The following SHISA9 variants were observed in gnomAD, a reference collection of about 807,000 sequenced individuals.
SHISA9 encodes the protein protein shisa-9.
SHISA9 carries 13 observed loss-of-function variants against 38.0 expected under a neutral mutation model. The observed-to-expected ratio is 0.34, with a 90% CI of 0.22 to 0.54. The LOEUF (loss-of-function observed/expected upper bound fraction) is 0.54, where lower values mean the gene tolerates loss of function less well. Among genes scored for constraint, SHISA9 ranks in the 20% least tolerant of loss-of-function variants. The pLI is 0.91. For synonymous variants in SHISA9, 275 were observed against 242.0 expected, an observed-to-expected ratio of 1.14 and a Z score of -1.27; for missense variants, 538 against 575.8, an observed-to-expected ratio of 0.93 and a Z score of 0.67.
chr16:13,150,451 T>C (rs1028414561), intron 2 of SHISA9, among the ~76,000 whole-genome samples: 3 of 152,080 alleles, frequency 2.0e-5, no homozygotes, highest in Non-Finnish European at 4.4e-5. Context: ...GTGGTAGACT[T>C]GGCCCTATTT....
At chr16:13,331,675 G>C in the SHISA9 span, 1 of 151,970 alleles carries the variant, frequency 6.6e-6, no homozygotes, top group South Asian at 2.1e-4. Context: ...AAAATTTCTT[G>C]TCTGTAATTC....
At chr16:13,027,509 T>C (rs950281834) in intron 2 of SHISA9, among the ~76,000 whole-genome samples, 1 of 152,230 alleles carries the variant, frequency 6.6e-6, no homozygotes, top group Non-Finnish European at 1.5e-5. Context: ...ATAGAAGCTC[T>C]ATTCATAATA....
intron 4 of SHISA9, among the ~76,000 whole-genome samples, chr16:13,224,181 G>C (rs1056786458): frequency 2.0e-5 from 3 of 152,130 alleles, no homozygotes; most frequent in Non-Finnish European, 4.4e-5. Context: ...ACAAGAGTGG[G>C]GAAATAGAGA....
At chr16:13,087,367 T>A (rs1031265909) in intron 2 of SHISA9, among the ~76,000 whole-genome samples, 2 of 152,138 alleles carry the variant, frequency 1.3e-5, no homozygotes, top group Non-Finnish European at 2.9e-5. Context: ...GGTCAAATGG[T>A]AATTCTAGTT....
chr16:13,194,633 T>C (rs1478684391), intron 2 of SHISA9, among the ~76,000 whole-genome samples: 1 of 152,214 alleles, frequency 6.6e-6, no homozygotes, highest in African/African-American at 2.4e-5. Flanking sequence ...TTTTTTGTGT[T>C]ACTTCTGTAA....
intron 2 of SHISA9, among the ~76,000 whole-genome samples, chr16:13,064,784 C>CA (rs72435637): frequency 0.057 from 4,711 of 81,996 alleles, 114 homozygotes; most frequent in East Asian, 0.09. Flanking sequence ...AGTTGTAAGG[C>CA]AAAAAAAAAA....
At chr16:13,405,012 A>G in the SHISA9 span, among the ~76,000 whole-genome samples, 1 of 152,334 alleles carries the variant, frequency 6.6e-6, no homozygotes, top group Non-Finnish European at 1.5e-5. Context: ...GGTGGAAGAC[A>G]CTGCGTCCCT....
chr16:13,316,164 G>T, the SHISA9 span, among the ~76,000 whole-genome samples: 3 of 152,148 alleles, frequency 2.0e-5, no homozygotes, highest in African/African-American at 7.2e-5. Context: ...GCTACCCACA[G>T]TCTGGATGGC....
chr16:13,097,815 A>G (rs1010252406), intron 2 of SHISA9, among the ~76,000 whole-genome samples: 3 of 152,190 alleles, frequency 2.0e-5, no homozygotes, highest in African/African-American at 4.8e-5. Flanking sequence ...TTTTAGAAGT[A>G]AGTACAGTAA....
intron 2 of SHISA9, among the ~76,000 whole-genome samples, chr16:12,980,546 A>T (rs2072226802): frequency 6.7e-6 from 1 of 148,972 alleles, no homozygotes; most frequent in Non-Finnish European, 1.5e-5. Context: ...TAGTTTCTGA[A>T]TTTTCACTAC....
At chr16:13,013,390 C>A (rs994254352) in intron 2 of SHISA9, among the ~76,000 whole-genome samples, 2 of 152,106 alleles carry the variant, frequency 1.3e-5, no homozygotes, top group African/African-American at 4.8e-5. Flanking sequence ...ATATTCAGAG[C>A]CTGGCCGGGG....
chr16:12,996,985 C>T (rs1034019908), intron 2 of SHISA9, among the ~76,000 whole-genome samples: 1 of 152,096 alleles, frequency 6.6e-6, no homozygotes, highest in Non-Finnish European at 1.5e-5. Flanking sequence ...TAGTTTTTAT[C>T]AGTATAATTT....
the SHISA9 span, among the ~76,000 whole-genome samples, chr16:13,427,867 C>T: frequency 6.6e-6 from 1 of 152,270 alleles, no homozygotes; most frequent in South Asian, 2.1e-4. Context: ...GGGTCAAAAG[C>T]CTTATCTTCT....
the SHISA9 span, among the ~76,000 whole-genome samples, chr16:13,335,685 C>A: frequency 6.6e-6 from 1 of 152,150 alleles, no homozygotes; most frequent in African/African-American, 2.4e-5. Flanking sequence ...TGGACAACCT[C>A]TCAGGCTCTG....
chr16:13,328,181 C>T, the SHISA9 span, among the ~76,000 whole-genome samples: 11 of 152,122 alleles, frequency 7.2e-5, no homozygotes, highest in Non-Finnish European at 1.2e-4. Context: ...CTTCTTCTAG[C>T]CCCTGTGCAC....
intron 2 of SHISA9, among the ~76,000 whole-genome samples, chr16:13,081,280 T>A (rs2073646217): frequency 6.6e-6 from 1 of 152,192 alleles, no homozygotes; most frequent in African/African-American, 2.4e-5. Context: ...AGGGAGTGCC[T>A]GGTCTAGATT....
the SHISA9 span, among the ~76,000 whole-genome samples, chr16:13,540,286 A>G: frequency 6.6e-6 from 1 of 151,928 alleles, no homozygotes; most frequent in Non-Finnish European, 1.5e-5. Context: ...TATAACTTCA[A>G]TGCAGACCAA....
the SHISA9 span, among the ~76,000 whole-genome samples, chr16:13,446,115 T>G: frequency 6.6e-6 from 1 of 151,848 alleles, no homozygotes; most frequent in Non-Finnish European, 1.5e-5. Flanking sequence ...GTTAGTTTTT[T>G]TGTGTGTTTT....
the SHISA9 span, among the ~76,000 whole-genome samples, chr16:13,281,011 T>G: frequency 6.6e-6 from 1 of 151,876 alleles, no homozygotes; most frequent in Non-Finnish European, 1.5e-5. Context: ...CTTATTTTAT[T>G]TTTTATTTTT....
Sources: allele counts gnomAD v4.1 joint callset (sites outside exome capture counted in the v4.1 genomes callset), GRCh38; gene constraint gnomAD v4.1.1; transcripts MANE v1.5; gene names NCBI Gene and HGNC (gene_info 2026-07-23, HGNC 2026-07-21).